Variants in WDR12 observed in about 807,000 individuals in gnomAD.
The protein encoded by WDR12 is ribosome biogenesis protein WDR12.
A neutral mutation model predicts 64.3 loss-of-function variants in WDR12; 42 were observed. That is an observed-to-expected ratio of 0.65 (90% CI 0.51 to 0.84). WDR12 has a LOEUF of 0.84. Ranked by LOEUF, WDR12 falls within the 40% of genes least tolerant of loss-of-function variation. The probability of loss-of-function intolerance (pLI) is 0.00; values close to 1 mark genes in which losing one functional copy is unlikely to be tolerated. For synonymous variants in WDR12, 158 were observed against 173.3 expected, an observed-to-expected ratio of 0.91 and a Z score of 0.70; for missense variants, 469 against 494.6, an observed-to-expected ratio of 0.95 and a Z score of 0.49.
At chr2:202,900,385 C>G (rs1379277277) in intron 3 of WDR12, among the ~76,000 whole-genome samples, 1 of 150,036 alleles carries the variant, frequency 6.7e-6, no homozygotes, top group Non-Finnish European at 1.5e-5. Flanking sequence ...AAAAAAAGCA[C>G]ATTGTTTAAT....
intron 4 of WDR12, 66 bp from the exon 5 acceptor site, chr2:202,897,481 G>C (rs1688268725): frequency 2.4e-6 from 2 of 851,040 alleles, no homozygotes; most frequent in Non-Finnish European, 3.6e-6. Flanking sequence ...ATGTTTCTTT[G>C]GCAATGACAA....
intron 5 of WDR12, 122 bp downstream of exon 5, chr2:202,897,178 C>T (rs1340909238): frequency 1.7e-6 from 1 of 585,030 alleles, no homozygotes; most frequent in Non-Finnish European, 3.0e-6. Flanking sequence ...TTTTGAAAGA[C>T]CTCATAATAA....
intron 8 of WDR12, among the ~76,000 whole-genome samples, chr2:202,887,287 G>A (rs1387037776): frequency 2.0e-5 from 1 of 50,868 alleles, no homozygotes; most frequent in East Asian, 6.9e-4. Flanking sequence ...GCCTCCCAGA[G>A]TGCTGGGGTT....
In WDR12 at chr2:202,874,696, T is replaced by TTA. The variant is rs1687826271; in HGVS notation, c.*6162_*6163dup. 1 of 152,180 alleles carries TTA rather than the reference T, an allele frequency of 6.6e-6. No individual in the cohort carries two copies. The highest frequency in any genetic ancestry group is 2.4e-5 in the African/African-American group (1 of 41,444). 9.4% of individuals were successfully genotyped at this position (152,180 alleles called of 1,614,324 possible). On this transcript the variant is annotated 3_prime_UTR_variant, in exon 13 of 13. Transcript: ENST00000261015. ...TTTACCGAAGACGTCAGGAGAAGCA[T>TTA]TATAGGTCAGTGACAGTGGGGCCAT... is the stretch of plus-strand genomic sequence containing the variant.
intron 3 of WDR12, among the ~76,000 whole-genome samples, chr2:202,900,060 T>C (rs1342947786): frequency 1.3e-5 from 2 of 152,176 alleles, no homozygotes; most frequent in Non-Finnish European, 2.9e-5. Context: ...CCAGGTGCAG[T>C]GGCTCACACC....
intron 2 of WDR12, among the ~76,000 whole-genome samples, chr2:202,903,928 A>G (rs1688402777): frequency 6.6e-6 from 1 of 152,102 alleles, no homozygotes. Context: ...ACCTGAGGTC[A>G]GGAGCTCGTG....
intron 2 of WDR12, among the ~76,000 whole-genome samples, chr2:202,907,608 A>G (rs923383089): frequency 4.6e-5 from 7 of 152,214 alleles, no homozygotes; most frequent in Non-Finnish European, 1.0e-4. Context: ...TTATACCAAA[A>G]TCTTTATTCC....
At chr2:202,883,586 T>G in intron 11 of WDR12, 23 bp downstream of exon 11, 1 of 1,607,938 alleles carries the variant, frequency 6.2e-7, no homozygotes, top group Non-Finnish European at 8.5e-7. Context: ...ATGTTTCTCT[T>G]ATAGATCATA....
chr2:202,900,930 A>C (rs1423662883), intron 3 of WDR12, 95 bp downstream of exon 3: 18 of 959,810 alleles, frequency 1.9e-5, no homozygotes, highest in Non-Finnish European at 2.8e-5. Flanking sequence ...AATCTTTGCT[A>C]CTAAAGATAG....
rs940881411 is a variant in WDR12, at chr2:202,877,145, T to C, written c.*3715A>G. 1.8e-4 allele frequency: 28 copies of C among 151,802 alleles called. No homozygotes were observed. Among genetic ancestry groups the C allele is most frequent in the African/African-American group, 6.5e-4 (27 of 41,444 alleles). The allele number at this position is 151,802 out of a possible 1,614,324, so 9.4% of individuals were successfully genotyped here. A position where few individuals can be genotyped will look rare whatever the true frequency, so the allele number is the denominator to read the frequency against. On this transcript the variant is annotated 3_prime_UTR_variant, in exon 13 of 13. Transcript: ENST00000261015. ...TTTTTTGCAGGGTTGCTTGTTCCAT[T>C]ATATGCATTTTATATCAATTTAAAC...
intron 8 of WDR12, among the ~76,000 whole-genome samples, chr2:202,888,585 G>C (rs1688092543): frequency 6.6e-6 from 1 of 152,164 alleles, no homozygotes. Flanking sequence ...TCAAGCAAAT[G>C]ACAGGTAAAT....
intron 4 of WDR12, among the ~76,000 whole-genome samples, chr2:202,898,944 T>TAAA (rs532820834): frequency 6.3e-5 from 6 of 94,958 alleles, no homozygotes; most frequent in African/African-American, 2.0e-4. Context: ...AGACCCCGTT[T>TAAA]AAAAAAAAAA....
At chr2:202,907,634 A>C (rs532203334) in intron 2 of WDR12, among the ~76,000 whole-genome samples, 1 of 152,186 alleles carries the variant, frequency 6.6e-6, no homozygotes, top group Non-Finnish European at 1.5e-5. Context: ...TACAACCACC[A>C]TATTTCCACA....
Position 202,877,064 on chromosome 2 carries a change from A to G in WDR12, c.*3796T>C, listed in dbSNP as rs1021375994. 1 of 151,916 alleles carries G rather than the reference A, an allele frequency of 6.6e-6. No homozygotes were observed. Among genetic ancestry groups the G allele is most frequent in the African/African-American group, 2.4e-5 (1 of 41,398 alleles). The allele number at this position is 151,916 out of a possible 1,614,324, so 9.4% of individuals were successfully genotyped here. ...CAAAAGAATTTTAGACTGTGTGAACAGATTTCAATGTTATTATCAGAAATT... is the reference window on the plus strand; with the variant it reads ...CAAAAGAATTTTAGACTGTGTGAACGGATTTCAATGTTATTATCAGAAATT... On this transcript the variant is annotated 3_prime_UTR_variant, in exon 13 of 13. Coordinates refer to ENST00000261015, the MANE Select transcript of WDR12 (RefSeq NM_018256.4).
chr2:202,897,908 A>AAAAAAAAAAATATATATATAT (rs1466552102), intron 4 of WDR12, among the ~76,000 whole-genome samples: 5 of 40,046 alleles, frequency 1.2e-4, no homozygotes, highest in Non-Finnish European at 2.5e-4. Flanking sequence ...AAAAAAAAAA[A>AAAAAAAAAAATATATATATAT]ATATATATAT....
chr2:202,907,789 A>C, intron 2 of WDR12, 76 bp downstream of exon 2: 1 of 1,229,428 alleles, frequency 8.1e-7, no homozygotes, highest in Non-Finnish European at 1.2e-6. Flanking sequence ...TCATAAGGCC[A>C]AAAAAGGAAC....
chr2:202,898,717 T>C (rs909987266), intron 4 of WDR12, among the ~76,000 whole-genome samples: 1 of 152,208 alleles, frequency 6.6e-6, no homozygotes, highest in Non-Finnish European at 1.5e-5. Context: ...CCAGGAGATC[T>C]ATGGCTATAA....
chr2:202,886,029 C>A (rs1216096594), intron 8 of WDR12, among the ~76,000 whole-genome samples: 1 of 152,046 alleles, frequency 6.6e-6, no homozygotes, highest in Non-Finnish European at 1.5e-5. Flanking sequence ...TGCACTCCAG[C>A]CAGGCCCACT....
chr2:202,883,796 A>C, intron 10 of WDR12, 55 bp from the exon 11 acceptor site: 5 of 1,552,854 alleles, frequency 3.2e-6, no homozygotes, highest in Non-Finnish European at 4.3e-6. Context: ...AGTAGGTAGA[A>C]GGAACCCAAA....
Sources: allele counts gnomAD v4.1 joint callset (sites outside exome capture counted in the v4.1 genomes callset), GRCh38; gene constraint gnomAD v4.1.1; transcripts MANE v1.5; gene names NCBI Gene and HGNC (gene_info 2026-07-23, HGNC 2026-07-21).